CPNE8: variants seen among roughly 807,000 people sequenced by gnomAD.
CPNE8 encodes the protein copine 8, also known as copine-8.
In CPNE8, 45 loss-of-function variants were observed where a neutral mutation model predicts 81.5. That is an observed-to-expected ratio of 0.55 (90% CI 0.44 to 0.71). The LOEUF is 0.71. Ranked by LOEUF, CPNE8 falls within the 30% of genes least tolerant of loss-of-function variation. The probability of loss-of-function intolerance (pLI) is 0.00; values close to 1 mark genes in which losing one functional copy is unlikely to be tolerated. For synonymous variants in CPNE8, 252 were observed against 226.3 expected, an observed-to-expected ratio of 1.11 and a Z score of -1.02; for missense variants, 594 against 672.1, an observed-to-expected ratio of 0.88 and a Z score of 1.28.
intron 6 of CPNE8, among the ~76,000 whole-genome samples, chr12:38,777,344 C>G (rs1485709775): frequency 6.6e-6 from 1 of 152,088 alleles, no homozygotes; most frequent in Non-Finnish European, 1.5e-5. Flanking sequence ...TATTTTTGTA[C>G]AGCTGTGCAA....
At chr12:38,771,390 AGGAGCTCAAAGCCT>A (rs1355558876) in intron 7 of CPNE8, among the ~76,000 whole-genome samples, 1 of 152,022 alleles carries the variant, frequency 6.6e-6, no homozygotes, top group Non-Finnish European at 1.5e-5. Flanking sequence ...ACTTGAGCCC[AGGAGCTCAAAGCCT>A]GCAGTTAGCC....
At chr12:38,724,772 A>G (rs565733558) in intron 12 of CPNE8, 74 bp downstream of exon 12, 11 of 1,015,718 alleles carry the variant, frequency 1.1e-5, no homozygotes, top group African/African-American at 8.2e-5. Context: ...TTCCAGTAGG[A>G]TTAAAGATGC....
At chr12:38,755,732 T>C (rs1232847382) in intron 10 of CPNE8, among the ~76,000 whole-genome samples, 1 of 152,116 alleles carries the variant, frequency 6.6e-6, no homozygotes, top group African/African-American at 2.4e-5. Context: ...CCCTTGTCAA[T>C]GTGTTTCAAT....
chr12:38,774,315 A>T (rs990451790), intron 7 of CPNE8, among the ~76,000 whole-genome samples: 1 of 152,164 alleles, frequency 6.6e-6, no homozygotes, highest in African/African-American at 2.4e-5. Context: ...AATATCACCA[A>T]AAAGAACATG....
intron 6 of CPNE8, among the ~76,000 whole-genome samples, chr12:38,825,953 T>C (rs988411485): frequency 2.0e-5 from 3 of 152,212 alleles, no homozygotes; most frequent in African/African-American, 7.2e-5. Flanking sequence ...TCTCATCTCT[T>C]TCCTCTATTG....
chr12:38,883,576 T>C (rs942520430), intron 1 of CPNE8, among the ~76,000 whole-genome samples: 9 of 152,190 alleles, frequency 5.9e-5, no homozygotes, highest in Non-Finnish European at 8.8e-5. Context: ...GTATCAACTG[T>C]TCATCATTCT....
intron 14 of CPNE8, among the ~76,000 whole-genome samples, chr12:38,700,222 G>A (rs575526026): frequency 1.3e-5 from 2 of 148,974 alleles, no homozygotes; most frequent in African/African-American, 4.9e-5. Context: ...TCCCTCATCA[G>A]ATTAGGAAGT....
intron 6 of CPNE8, among the ~76,000 whole-genome samples, chr12:38,789,607 A>G (rs546676210): frequency 3.3e-5 from 5 of 152,044 alleles, no homozygotes; most frequent in African/African-American, 1.2e-4. Context: ...GATCACATCA[A>G]GTTAAAAAAC....
intron 19 of CPNE8, among the ~76,000 whole-genome samples, chr12:38,658,574 A>G (rs1208159223): frequency 6.6e-6 from 1 of 152,188 alleles, no homozygotes; most frequent in Non-Finnish European, 1.5e-5. Flanking sequence ...CCTCAAGAAG[A>G]GCAACCCCAA....
chr12:38,671,780 C>CA (rs1939182554), intron 18 of CPNE8, among the ~76,000 whole-genome samples: 1 of 152,074 alleles, frequency 6.6e-6, no homozygotes, highest in South Asian at 2.1e-4. Flanking sequence ...GGGTTGAAAA[C>CA]ATTGTTTTCA....
chr12:38,747,233 T>TA (rs1197726116), intron 10 of CPNE8, among the ~76,000 whole-genome samples: 1 of 152,232 alleles, frequency 6.6e-6, no homozygotes, highest in Non-Finnish European at 1.5e-5. Flanking sequence ...GAATCCTTTG[T>TA]AATGTCACTG....
chr12:38,819,768 A>C (rs1943084860), intron 6 of CPNE8, among the ~76,000 whole-genome samples: 1 of 113,486 alleles, frequency 8.8e-6, no homozygotes, highest in African/African-American at 4.9e-5. Context: ...CTCCGTCTCA[A>C]AAAAAAAAAA....
At chr12:38,905,593 A>C, upstream of CPNE8, 2 of 1,537,124 alleles carry the variant, frequency 1.3e-6, no homozygotes, top group Non-Finnish European at 1.7e-6. Flanking sequence ...GGGCGGACTG[A>C]GGGCTAGCTC....
intron 3 of CPNE8, among the ~76,000 whole-genome samples, chr12:38,870,408 A>G (rs1943974243): frequency 1.3e-5 from 2 of 152,330 alleles, no homozygotes; most frequent in Non-Finnish European, 2.9e-5. Flanking sequence ...CCCATCAGTG[A>G]TAGACTGGAT....
At chr12:38,839,886 T>A (rs1943441128) in intron 5 of CPNE8, 30 bp downstream of exon 5, 2 of 1,528,818 alleles carry the variant, frequency 1.3e-6, no homozygotes, top group Non-Finnish European at 1.8e-6. Context: ...TGTATTATAA[T>A]GTTATAAAAA....
At chr12:38,786,999 A>G (rs887149291) in intron 6 of CPNE8, among the ~76,000 whole-genome samples, 2 of 152,164 alleles carry the variant, frequency 1.3e-5, no homozygotes, top group African/African-American at 2.4e-5. Context: ...ATCCCAATAC[A>G]ATAATAGCTG....
intron 10 of CPNE8, among the ~76,000 whole-genome samples, chr12:38,760,007 G>A (rs1265653240): frequency 6.6e-6 from 1 of 152,162 alleles, no homozygotes; most frequent in African/African-American, 2.4e-5. Context: ...AATGCAGAGA[G>A]AAAAGCATTA....
chr12:38,714,618 C>A (rs1009135724), intron 13 of CPNE8, among the ~76,000 whole-genome samples: 1 of 151,440 alleles, frequency 6.6e-6, no homozygotes, highest in Non-Finnish European at 1.5e-5. Flanking sequence ...AGAAAAAACA[C>A]AGCACTGCTT....
chr12:38,771,976 T>G (rs1226584479), intron 7 of CPNE8, among the ~76,000 whole-genome samples: 1 of 151,940 alleles, frequency 6.6e-6, no homozygotes, highest in Non-Finnish European at 1.5e-5. Flanking sequence ...TGCTGGGAGG[T>G]GGGGCCCCAT....
Sources: gnomAD v4.1 joint callset for allele counts (sites outside exome capture counted in the v4.1 genomes callset) on GRCh38, gnomAD v4.1.1 for gene constraint, MANE v1.5 for transcripts, NCBI Gene and HGNC (gene_info 2026-07-23, HGNC 2026-07-21) for gene names.